Variants in DAB1 observed in about 807,000 individuals in gnomAD.
DAB1 encodes disabled homolog 1.
In DAB1, 15 loss-of-function variants were observed where a neutral mutation model predicts 64.6. That is an observed-to-expected ratio of 0.23 (90% CI 0.16 to 0.36). The LOEUF (loss-of-function observed/expected upper bound fraction) is 0.36. Ranked by LOEUF, DAB1 falls within the 10% of genes least tolerant of loss-of-function variation. The pLI, the probability that DAB1 is intolerant of heterozygous loss-of-function variation, is 1.00. For missense variants in DAB1, 596 were observed against 706.7 expected, an observed-to-expected ratio of 0.84 and a Z score of 1.78; for synonymous variants, 235 against 251.9, an observed-to-expected ratio of 0.93 and a Z score of 0.64.
rs946962296 is a variant in DAB1, at chr1:57,803,125, A to G, written n.551+80874T>C. ...CCTTGAAAGAATGTTTAAGCTGTCTACCACAAGCCCCAAAATGAAATTGAT... is the reference window on the plus strand; with the variant it reads ...CCTTGAAAGAATGTTTAAGCTGTCTGCCACAAGCCCCAAAATGAAATTGAT... On this transcript the variant is annotated intron_variant and non_coding_transcript_variant, in intron 6 of 20. Transcript: ENST00000485760. Among the ~76,000 whole-genome samples the G allele has an allele frequency of 1.3e-4, 20 of 152,314 alleles. 2 individuals carry two copies. The highest frequency in any genetic ancestry group is 4.6e-4 in the African/African-American group (19 of 41,566).
chr1:58,506,319 G>T, intron 2 of DAB1: 1 of 623,614 alleles, frequency 1.6e-6, no homozygotes, highest in South Asian at 2.4e-5. Flanking sequence ...TAAGTTTTAG[G>T]GTACATGTGC....
At chr1:57,941,634 A>G (rs533054640) in intron 5 of DAB1, among the ~76,000 whole-genome samples, 2 of 152,320 alleles carry the variant, frequency 1.3e-5, no homozygotes, top group African/African-American at 4.8e-5. Context: ...CAGGAGATCG[A>G]GACCATCCTG....
At chr1:58,146,475 G>A (rs888159015) in intron 5 of DAB1, among the ~76,000 whole-genome samples, 2 of 152,162 alleles carry the variant, frequency 1.3e-5, no homozygotes, top group Non-Finnish European at 2.9e-5. Context: ...ATTACTGCAA[G>A]TTTGTACCCT....
At chr1:57,968,727 C>T (rs1439956621) in intron 5 of DAB1, among the ~76,000 whole-genome samples, 1 of 152,110 alleles carries the variant, frequency 6.6e-6, no homozygotes, top group African/African-American at 2.4e-5. Context: ...TTGCCAAATA[C>T]CTATTACATG....
At chr1:57,197,107 G>A (rs1268524747) in intron 2 of DAB1, among the ~76,000 whole-genome samples, 5 of 152,072 alleles carry the variant, frequency 3.3e-5, no homozygotes, top group Non-Finnish European at 5.9e-5. Flanking sequence ...AGGCTGAGGC[G>A]GGCAGATCAC....
rs143012508 is a variant in DAB1, at chr1:57,742,278, G to A, written n.552-92613C>T. On this transcript the variant is annotated intron_variant and non_coding_transcript_variant, in intron 6 of 20. Transcript: ENST00000485760. The stretch of plus-strand genomic sequence containing the variant: ...AGAAACCAAGGCGCAGGCAGCAGCA[G>A]ATGATGGACCATAAAATAAAAATAT... Among the ~76,000 whole-genome samples, 389 of 152,284 alleles carry A rather than the reference G, an allele frequency of 2.6e-3. 1 individual carries two copies. The highest frequency in any genetic ancestry group is 8.4e-3 in the African/African-American group (351 of 41,548).
At chr1:57,841,383 C>T (rs372060024) in intron 1 of DAB1, among the ~76,000 whole-genome samples, 9 of 152,282 alleles carry the variant, frequency 5.9e-5, no homozygotes, top group African/African-American at 1.9e-4. Flanking sequence ...GGATGATGGC[C>T]GTCTTCTCAC....
intron 7 of DAB1, among the ~76,000 whole-genome samples, chr1:57,555,680 C>A (rs1644980249): frequency 6.6e-6 from 1 of 152,172 alleles, no homozygotes; most frequent in Non-Finnish European, 1.5e-5. Context: ...AGCATTGGGA[C>A]TCAGTGAGTG....
At chr1:57,103,356 A>C (rs1396013621) in intron 4 of DAB1, among the ~76,000 whole-genome samples, 1 of 152,194 alleles carries the variant, frequency 6.6e-6, no homozygotes, top group Non-Finnish European at 1.5e-5. Context: ...ACTTAGGCCC[A>C]GATCTCCCAG....
At chr1:57,351,277 C>T (rs1034809239) in intron 1 of DAB1, among the ~76,000 whole-genome samples, 3 of 152,170 alleles carry the variant, frequency 2.0e-5, no homozygotes, top group African/African-American at 7.2e-5. Flanking sequence ...AAATCTACCA[C>T]ATTTCAGCAC....
At chr1:58,454,598 G>A (rs150679814) in intron 3 of DAB1, among the ~76,000 whole-genome samples, 17 of 152,082 alleles carry the variant, frequency 1.1e-4, no homozygotes, top group Non-Finnish European at 2.1e-4. Flanking sequence ...ACCCACGTCC[G>A]AGGGCCACAC....
intron 3 of DAB1, among the ~76,000 whole-genome samples, chr1:58,383,202 T>C (rs1644404897): frequency 6.6e-6 from 1 of 152,212 alleles, no homozygotes; most frequent in Non-Finnish European, 1.5e-5. Context: ...TTTATATAGA[T>C]AAACAAACTT....
At chr1:57,251,055 G>A (rs1339188778) in intron 2 of DAB1, among the ~76,000 whole-genome samples, 2 of 152,232 alleles carry the variant, frequency 1.3e-5, no homozygotes, top group Non-Finnish European at 2.9e-5. Flanking sequence ...AGAACAAAAT[G>A]TGGTATTATT....
chr1:57,521,039 A>T (rs1177507082), intron 7 of DAB1, among the ~76,000 whole-genome samples: 1 of 152,154 alleles, frequency 6.6e-6, no homozygotes, highest in Non-Finnish European at 1.5e-5. Context: ...CACTATAGGG[A>T]CACCCAGAGA....
intron 4 of DAB1, among the ~76,000 whole-genome samples, chr1:58,227,894 T>A (rs550877793): frequency 9.2e-5 from 14 of 152,314 alleles, no homozygotes; most frequent in African/African-American, 3.4e-4. Context: ...AATTTTGCAT[T>A]TCCCCCCTCT....
intron 3 of DAB1, among the ~76,000 whole-genome samples, chr1:58,355,630 T>TGA (rs147134244): frequency 0.034 from 5,147 of 152,260 alleles, 296 homozygotes; most frequent in African/African-American, 0.12. Context: ...GGCTTAGGTA[T>TGA]GAGAGACTTG....
chr1:58,020,730 G>A (rs72924319), intron 5 of DAB1, among the ~76,000 whole-genome samples: 1,904 of 152,276 alleles, frequency 0.013, 36 homozygotes, highest in African/African-American at 0.044. Flanking sequence ...CCAGCCAGGC[G>A]CGGTGGCTCA....
chr1:57,175,288 GT>G (rs199729308), intron 2 of DAB1, among the ~76,000 whole-genome samples: 153 of 149,284 alleles, frequency 1.0e-3, no homozygotes, highest in African/African-American at 3.5e-3. Context: ...GAAAGGCAGG[GT>G]TTTTTTTTAT....
chr1:58,153,899 A>T (rs1051118569), intron 4 of DAB1, among the ~76,000 whole-genome samples: 18 of 143,738 alleles, frequency 1.3e-4, no homozygotes, highest in African/African-American at 4.2e-4. Flanking sequence ...TGGTAATAAC[A>T]CTCTCTTACA....
Sources: gnomAD v4.1 joint callset for allele counts (sites outside exome capture counted in the v4.1 genomes callset) on GRCh38, gnomAD v4.1.1 for gene constraint, MANE v1.5 for transcripts, NCBI Gene and HGNC (gene_info 2026-07-23, HGNC 2026-07-21) for gene names.